The following SND1 variants were observed in gnomAD, a reference collection of about 807,000 sequenced individuals.
SND1 encodes staphylococcal nuclease domain-containing protein 1.
In SND1, 38 loss-of-function variants were observed where a neutral mutation model predicts 121.7. The ratio of observed to expected loss-of-function variants is 0.31; its 90% confidence interval spans 0.24 to 0.41. The LOEUF (loss-of-function observed/expected upper bound fraction) is 0.41, where lower values mean the gene tolerates loss of function less well. Among genes scored for constraint, SND1 ranks in the 10% least tolerant of loss-of-function variants. The pLI is 1.00. For synonymous variants in SND1, 401 were observed against 447.4 expected, an observed-to-expected ratio of 0.90 and a Z score of 1.31; for missense variants, 868 against 1,184.6, an observed-to-expected ratio of 0.73 and a Z score of 3.92.
At position 128,029,346 on chromosome 7, in the gene SND1, T is replaced by G. The variant is rs201166040; in HGVS notation, c.1779+38290T>G. 5.6e-6 allele frequency: 9 copies of G among 1,613,856 alleles called. No individual in the cohort carries two copies. Among genetic ancestry groups the G allele is most frequent in the Non-Finnish European group, 6.8e-6 (8 of 1,179,990 alleles). ...ATTGAGGTAGGCCGAGGCGTTGGAG[T>G]TGCCTGCAACATTGGTCACCATGCA... On this transcript the variant is annotated intron_variant, in intron 16 of 23. Coordinates refer to ENST00000354725, the MANE Select transcript of SND1 (RefSeq NM_014390.4). The surrounding 1 kb of genome is among the most constrained non-coding windows in gnomAD (Gnocchi z 4.2).
At chr7:127,979,031 T>A (rs530810902) in intron 15 of SND1, among the ~76,000 whole-genome samples, 1 of 152,220 alleles carries the variant, frequency 6.6e-6, no homozygotes, top group Non-Finnish European at 1.5e-5. Flanking sequence ...CTTCAGAGCG[T>A]GTTGGCGAGC....
intron 17 of SND1, among the ~76,000 whole-genome samples, chr7:128,080,832 G>C (rs565557348): frequency 1.1e-3 from 170 of 152,144 alleles, no homozygotes; most frequent in African/African-American, 3.9e-3. Context: ...TGTTGGTTCT[G>C]ATGCCTGCCA....
chr7:127,982,445 C>T (rs1802287202), intron 15 of SND1, among the ~76,000 whole-genome samples: 1 of 152,190 alleles, frequency 6.6e-6, no homozygotes, highest in African/African-American at 2.4e-5. Flanking sequence ...ATTAGGATCC[C>T]TTCATTCTTC....
Position 128,074,558 on chromosome 7 carries a change from C to T in SND1, c.1836C>T (p.His612=), listed in dbSNP as rs915624236. Residue 612 remains histidine (H), a synonymous_variant, in exon 17 of 24, where the codon CAC becomes CAT. Coordinates refer to ENST00000354725, the MANE Select transcript of SND1 (RefSeq NM_014390.4). ...DKAGNFIGWL[H]IDGANLSVLL... The stretch of plus-strand genomic sequence containing the variant: ...CCGGCAACTTTATCGGCTGGCTGCA[C>T]ATCGACGGTGCCAACCTGTCCGTCC... 8 of 1,613,540 alleles carry T rather than the reference C, an allele frequency of 5.0e-6. No homozygotes were observed. The highest frequency in any genetic ancestry group is 6.8e-6 in the Non-Finnish European group (8 of 1,179,888).
intron 15 of SND1, among the ~76,000 whole-genome samples, chr7:127,950,711 G>C (rs1801442447): frequency 6.6e-6 from 1 of 152,084 alleles, no homozygotes; most frequent in Non-Finnish European, 1.5e-5. Context: ...TACTAGGCTG[G>C]TCTGTCATTG....
intron 12 of SND1, among the ~76,000 whole-genome samples, chr7:127,873,521 C>A (rs557084874): frequency 6.6e-6 from 1 of 152,328 alleles, no homozygotes; most frequent in Non-Finnish European, 1.5e-5. Flanking sequence ...TTCAAGACTT[C>A]TTGAAGCCTA....
chr7:127,775,925 A>G (rs1445856306), intron 10 of SND1, among the ~76,000 whole-genome samples: 2 of 152,190 alleles, frequency 1.3e-5, no homozygotes, highest in Non-Finnish European at 2.9e-5. Context: ...CACACTTTGC[A>G]TATGTATTTA....
intron 10 of SND1, among the ~76,000 whole-genome samples, chr7:127,799,718 T>C (rs1004785187): frequency 2.0e-5 from 3 of 152,250 alleles, no homozygotes; most frequent in Non-Finnish European, 4.4e-5. Context: ...TTGCTGTGAA[T>C]TTGGCACTTG....
intron 10 of SND1, among the ~76,000 whole-genome samples, chr7:127,754,844 C>T (rs2116463556): frequency 6.6e-6 from 1 of 152,338 alleles, no homozygotes; most frequent in African/African-American, 2.4e-5. Flanking sequence ...CAACTTTTGG[C>T]TTGCAAATAT....
intron 1 of SND1, among the ~76,000 whole-genome samples, chr7:127,662,026 G>A (rs1795321593): frequency 6.6e-6 from 1 of 152,040 alleles, no homozygotes; most frequent in African/African-American, 2.4e-5. Flanking sequence ...TGAGGGATGA[G>A]AATCTCTTGA....
intron 1 of SND1, among the ~76,000 whole-genome samples, chr7:127,672,323 G>T (rs1475582969): frequency 6.6e-6 from 1 of 151,988 alleles, no homozygotes; most frequent in African/African-American, 2.4e-5. Context: ...CATGGTTATG[G>T]CAGGTGCAGT....
At chr7:127,706,032 T>G (rs1166819036) in intron 8 of SND1, among the ~76,000 whole-genome samples, 2 of 152,216 alleles carry the variant, frequency 1.3e-5, no homozygotes, top group African/African-American at 4.8e-5. Context: ...ACATGTGTAT[T>G]GTCTGATGGA....
Position 128,029,996 on chromosome 7 carries a change from G to A in SND1, c.1779+38940G>A, listed in dbSNP as rs772131783. On this transcript the variant is annotated intron_variant, in intron 16 of 23. Coordinates refer to ENST00000354725, the MANE Select transcript of SND1 (RefSeq NM_014390.4). This position sits in a 1 kb window ranked among gnomAD's most constrained non-coding sequence, Gnocchi z 4.2. Reference sequence around the variant, plus strand: ...CCAGCTCCTCCAGCCCCACCAGGGGGGTGAGATTGGGCATGTCTTTAATGT... The same window carrying A: ...CCAGCTCCTCCAGCCCCACCAGGGGAGTGAGATTGGGCATGTCTTTAATGT... 1.9e-6 allele frequency: 3 copies of A among 1,613,146 alleles called. No individual in the cohort carries two copies. Among genetic ancestry groups the A allele is most frequent in the South Asian group, 2.2e-5 (2 of 91,084 alleles).
At chr7:127,790,920 T>A (rs35940771) in intron 10 of SND1, among the ~76,000 whole-genome samples, 6 of 151,934 alleles carry the variant, frequency 3.9e-5, no homozygotes, top group South Asian at 2.1e-4. Context: ...TTCGTGGAGC[T>A]TGTTCAGCAA....
At chr7:127,816,338 C>T (rs1021803395) in intron 11 of SND1, among the ~76,000 whole-genome samples, 12 of 152,218 alleles carry the variant, frequency 7.9e-5, no homozygotes, top group African/African-American at 2.7e-4. Flanking sequence ...TCTACTGGAA[C>T]ACTATCTCTT....
At chr7:128,073,084 T>C (rs1187548421) in intron 16 of SND1, among the ~76,000 whole-genome samples, 1 of 152,048 alleles carries the variant, frequency 6.6e-6, no homozygotes, top group Non-Finnish European at 1.5e-5. Flanking sequence ...GAAGGGCTGC[T>C]CCTGAAACAG....
intron 14 of SND1, among the ~76,000 whole-genome samples, chr7:127,921,207 T>C (rs553024792): frequency 6.6e-6 from 1 of 152,340 alleles, no homozygotes; most frequent in South Asian, 2.1e-4. Flanking sequence ...TGTGTCCTCT[T>C]TATGGCCTGT....
chr7:127,865,178 C>T (rs1280071910), intron 12 of SND1, among the ~76,000 whole-genome samples: 1 of 151,406 alleles, frequency 6.6e-6, no homozygotes, highest in African/African-American at 2.4e-5. Context: ...ATTAGTGTAT[C>T]CCTCTGAGAG....
intron 12 of SND1, among the ~76,000 whole-genome samples, chr7:127,884,042 T>G (rs1799847741): frequency 6.6e-6 from 1 of 152,174 alleles, no homozygotes; most frequent in African/African-American, 2.4e-5. Context: ...CCCAAGTTAT[T>G]TATTTGTTTA....
Sources: allele counts gnomAD v4.1 joint callset (sites outside exome capture counted in the v4.1 genomes callset), GRCh38; gene constraint gnomAD v4.1.1; non-coding constraint Gnocchi (gnomAD v3.1); transcripts MANE v1.5; gene names NCBI Gene and HGNC (gene_info 2026-07-23, HGNC 2026-07-21).